PDZRN4: variants seen among roughly 807,000 people sequenced by gnomAD.
The protein encoded by PDZRN4 is PDZ domain-containing RING finger protein 4.
Under a neutral mutation model 99.0 loss-of-function variants are expected in PDZRN4, and 70 were observed. That is an observed-to-expected ratio of 0.71 (90% CI 0.58 to 0.86). The LOEUF (loss-of-function observed/expected upper bound fraction) is 0.86, where lower values mean the gene tolerates loss of function less well. Ranked by LOEUF, PDZRN4 falls within the 40% of genes least tolerant of loss-of-function variation. The pLI is 0.00. For missense variants in PDZRN4, 1,474 were observed against 1,331.2 expected (o/e 1.11, Z -1.67); for synonymous variants, 551 against 501.6 (o/e 1.10, Z -1.32).
At chr12:41,355,542 T>C (rs1354227605) in intron 3 of PDZRN4, among the ~76,000 whole-genome samples, 3 of 152,128 alleles carry the variant, frequency 2.0e-5, no homozygotes. Context: ...ATGGATCATT[T>C]GAGTTCTTGG....
intron 3 of PDZRN4, among the ~76,000 whole-genome samples, chr12:41,265,990 C>T (rs1270978205): frequency 2.0e-5 from 3 of 152,050 alleles, no homozygotes; most frequent in African/African-American, 7.2e-5. Context: ...TTTGCTTTCA[C>T]CCAGTGTTGC....
At chr12:41,241,655 C>T (rs915939836) in intron 3 of PDZRN4, among the ~76,000 whole-genome samples, 6 of 152,076 alleles carry the variant, frequency 3.9e-5, no homozygotes, top group Non-Finnish European at 8.8e-5. Flanking sequence ...AGTGCAAGGT[C>T]TATAATAGGA....
intron 5 of PDZRN4, among the ~76,000 whole-genome samples, chr12:41,528,170 G>GT (rs1289776510): frequency 6.6e-6 from 1 of 150,590 alleles, no homozygotes; most frequent in African/African-American, 2.5e-5. Flanking sequence ...ATAAGGAGCC[G>GT]TTTTTGGGGG....
At position 41,448,849 on chromosome 12, in the gene PDZRN4, A is replaced by C. The variant is rs1952751837; in HGVS notation, c.844-57607A>C. Among the ~76,000 whole-genome samples the C allele has an allele frequency of 1.3e-5, 2 of 152,140 alleles. 1 individual carries two copies. The highest frequency in any genetic ancestry group is 2.9e-5 in the Non-Finnish European group (2 of 68,022). ...GCATATTGACTGCAAGCTATATCCC[A>C]GTTTCAGAAACAATAAGATATTGGG... On this transcript the variant is annotated intron_variant, in intron 3 of 9. Coordinates refer to ENST00000402685, the MANE Select transcript of PDZRN4 (RefSeq NM_001164595.2).
chr12:41,253,113 T>C (rs538129917), intron 3 of PDZRN4, among the ~76,000 whole-genome samples: 16 of 152,192 alleles, frequency 1.1e-4, no homozygotes, highest in Admixed American at 2.0e-4. Context: ...TCCCATTCTA[T>C]TGATTATCAT....
intron 3 of PDZRN4, among the ~76,000 whole-genome samples, chr12:41,418,110 T>C (rs1322619298): frequency 6.6e-6 from 1 of 152,196 alleles, no homozygotes; most frequent in African/African-American, 2.4e-5. Flanking sequence ...TTTTCCTGCT[T>C]CTATGAGCAT....
chr12:41,321,862 A>C (rs1292386031), intron 3 of PDZRN4, among the ~76,000 whole-genome samples: 1 of 152,154 alleles, frequency 6.6e-6, no homozygotes, highest in East Asian at 1.9e-4. Flanking sequence ...GAATAATTAT[A>C]TTGGGATTTA....
At chr12:41,239,273 T>G (rs907662267) in intron 3 of PDZRN4, among the ~76,000 whole-genome samples, 3 of 152,072 alleles carry the variant, frequency 2.0e-5, no homozygotes, top group African/African-American at 7.2e-5. Flanking sequence ...TGAGAACACA[T>G]GGACACATGC....
chr12:41,475,133 C>T (rs1457134030), intron 3 of PDZRN4, among the ~76,000 whole-genome samples: 1 of 152,128 alleles, frequency 6.6e-6, no homozygotes, highest in Non-Finnish European at 1.5e-5. Context: ...TCTCTCATCC[C>T]TTTGAATCCT....
intron 3 of PDZRN4, among the ~76,000 whole-genome samples, chr12:41,486,741 T>A (rs1221575720): frequency 2.0e-5 from 3 of 152,042 alleles, no homozygotes; most frequent in African/African-American, 7.2e-5. Context: ...TCATGGGAAA[T>A]CAACTCAAGG....
chr12:41,269,389 A>T (rs977895958), intron 3 of PDZRN4, among the ~76,000 whole-genome samples: 2 of 152,202 alleles, frequency 1.3e-5, no homozygotes, highest in African/African-American at 4.8e-5. Context: ...GTTATGTATC[A>T]TACAAGAAGC....
intron 3 of PDZRN4, among the ~76,000 whole-genome samples, chr12:41,252,675 G>A (rs1485631837): frequency 2.6e-5 from 4 of 152,136 alleles, no homozygotes; most frequent in Non-Finnish European, 4.4e-5. Flanking sequence ...GGGAGGTGGA[G>A]GTTGCAGTGA....
intron 3 of PDZRN4, among the ~76,000 whole-genome samples, chr12:41,401,003 ATGTTGAAGCATTT>A (rs1201327823): frequency 6.6e-6 from 1 of 152,146 alleles, no homozygotes; most frequent in Non-Finnish European, 1.5e-5. Context: ...CATTCATTTC[ATGTTGAAGCATTT>A]TAAAAATTCT....
intron 3 of PDZRN4, among the ~76,000 whole-genome samples, chr12:41,354,149 A>G (rs951622046): frequency 3.9e-5 from 6 of 152,166 alleles, no homozygotes; most frequent in African/African-American, 1.4e-4. Flanking sequence ...GGCGATAGCA[A>G]TATGAGATTG....
intron 3 of PDZRN4, among the ~76,000 whole-genome samples, chr12:41,234,422 T>C: frequency 6.6e-6 from 1 of 152,112 alleles, no homozygotes; most frequent in East Asian, 1.9e-4. Context: ...GAACCTAGGC[T>C]GAGGGTATGG....
At chr12:41,347,359 T>C (rs1456565200) in intron 3 of PDZRN4, among the ~76,000 whole-genome samples, 2 of 152,172 alleles carry the variant, frequency 1.3e-5, no homozygotes, top group Admixed American at 6.6e-5. Flanking sequence ...AAGTGGTATC[T>C]CATTGTGGAT....
intron 3 of PDZRN4, among the ~76,000 whole-genome samples, chr12:41,335,729 C>T (rs541024146): frequency 1.3e-5 from 2 of 152,190 alleles, no homozygotes; most frequent in African/African-American, 4.8e-5. Context: ...CAGGAAAAAA[C>T]ACATAGAGTT....
chr12:41,417,841 G>A (rs757852723), intron 3 of PDZRN4, among the ~76,000 whole-genome samples: 2 of 152,170 alleles, frequency 1.3e-5, no homozygotes, highest in African/African-American at 2.4e-5. Context: ...AACTGTAAGG[G>A]AGAAGACACA....
intron 3 of PDZRN4, among the ~76,000 whole-genome samples, chr12:41,257,429 AT>A (rs1330992901): frequency 2.0e-4 from 31 of 152,298 alleles, no homozygotes; most frequent in African/African-American, 7.2e-4. Context: ...CTGCCTTCTA[AT>A]ACCATCGACT....
Sources: allele counts gnomAD v4.1 joint callset (sites outside exome capture counted in the v4.1 genomes callset), GRCh38; gene constraint gnomAD v4.1.1; transcripts MANE v1.5; gene names NCBI Gene and HGNC (gene_info 2026-07-23, HGNC 2026-07-21).